DIP2B: variants seen among roughly 807,000 people sequenced by gnomAD.
The protein encoded by DIP2B is disco-interacting protein 2 homolog B.
Under a neutral mutation model 198.0 loss-of-function variants are expected in DIP2B, and 76 were observed. That is an observed-to-expected ratio of 0.38 (90% CI 0.32 to 0.46). The LOEUF (loss-of-function observed/expected upper bound fraction) is 0.46, where lower values mean the gene tolerates loss of function less well. Ranked by LOEUF, DIP2B falls within the 20% of genes least tolerant of loss-of-function variation. The probability of loss-of-function intolerance (pLI) is 0.99; values close to 1 mark genes in which losing one functional copy is unlikely to be tolerated. For missense variants in DIP2B, 1,559 were observed against 1,978.4 expected (o/e 0.79, Z 4.02); for synonymous variants, 701 against 739.1 (o/e 0.95, Z 0.84).
chr12:50,703,930 T>G (rs908200944), intron 19 of DIP2B, among the ~76,000 whole-genome samples: 4 of 150,306 alleles, frequency 2.7e-5, no homozygotes, highest in Admixed American at 2.0e-4. Flanking sequence ...TTATATGTTT[T>G]ATATATATAT....
intron 35 of DIP2B, among the ~76,000 whole-genome samples, chr12:50,737,720 G>C (rs938332038): frequency 3.3e-5 from 5 of 151,956 alleles, no homozygotes; most frequent in African/African-American, 1.2e-4. Flanking sequence ...CCAAGTAGCT[G>C]GGACTACAGG....
chr12:50,559,269 T>C (rs1382281074), intron 1 of DIP2B, among the ~76,000 whole-genome samples: 12 of 151,856 alleles, frequency 7.9e-5, no homozygotes, highest in Admixed American at 7.9e-4. Flanking sequence ...TGTAATTTAG[T>C]AGTTAATCTT....
chr12:50,537,632 T>C (rs907331151), intron 1 of DIP2B, among the ~76,000 whole-genome samples: 5 of 152,038 alleles, frequency 3.3e-5, no homozygotes, highest in African/African-American at 1.2e-4. Context: ...TGTTGAAGGA[T>C]TTGGGCATCA....
intron 1 of DIP2B, among the ~76,000 whole-genome samples, chr12:50,613,287 T>C (rs1363377779): frequency 1.3e-5 from 2 of 152,156 alleles, no homozygotes; most frequent in African/African-American, 4.8e-5. Context: ...ACTATATGGA[T>C]TAATGTATGT....
At chr12:50,665,776 A>AG (rs1491501285) in intron 4 of DIP2B, among the ~76,000 whole-genome samples, 84 of 136,518 alleles carry the variant, frequency 6.2e-4, no homozygotes, top group Admixed American at 9.3e-4. Context: ...ACCTCAACTG[A>AG]AAAAAAAAAA....
chr12:50,717,580 G>C (rs1939752326), intron 23 of DIP2B, among the ~76,000 whole-genome samples: 1 of 151,456 alleles, frequency 6.6e-6, no homozygotes, highest in African/African-American at 2.4e-5. Context: ...CGTTAGCCGG[G>C]ATGGTCTCGG....
At chr12:50,614,848 A>C (rs952387911) in intron 1 of DIP2B, among the ~76,000 whole-genome samples, 13 of 152,200 alleles carry the variant, frequency 8.5e-5, no homozygotes, top group African/African-American at 3.1e-4. Context: ...ATGCTGTGGC[A>C]GTGGCAGTAT....
intron 1 of DIP2B, among the ~76,000 whole-genome samples, chr12:50,579,814 G>C (rs1473302807): frequency 6.7e-6 from 1 of 149,766 alleles, no homozygotes; most frequent in East Asian, 1.9e-4. Context: ...AGTCATTTCT[G>C]ACTCAACTGT....
At chr12:50,547,468 G>A (rs538637387) in intron 1 of DIP2B, among the ~76,000 whole-genome samples, 68 of 152,194 alleles carry the variant, frequency 4.5e-4, no homozygotes, top group Non-Finnish European at 8.5e-4. Flanking sequence ...GATATTAATC[G>A]AAGTATTATT....
At chr12:50,721,038 G>A (rs1939826476) in intron 25 of DIP2B, among the ~76,000 whole-genome samples, 2 of 151,928 alleles carry the variant, frequency 1.3e-5, no homozygotes, top group Admixed American at 6.6e-5. Context: ...TGAACTCCTG[G>A]GCTCAAGCAG....
At chr12:50,742,512 A>G (rs1327064705) in intron 37 of DIP2B, among the ~76,000 whole-genome samples, 1 of 151,464 alleles carries the variant, frequency 6.6e-6, no homozygotes, top group African/African-American at 2.4e-5. Flanking sequence ...ATTTTAGTGA[A>G]TATGTCCTTC....
chr12:50,636,052 G>T (rs876078), intron 2 of DIP2B, among the ~76,000 whole-genome samples: 37,188 of 152,090 alleles, frequency 0.24, 5,333 homozygotes, highest in East Asian at 0.36. Flanking sequence ...TAGCAGGAGA[G>T]ATGACAGTTA....
intron 35 of DIP2B, 63 bp from the exon 36 acceptor site, chr12:50,739,346 T>C (rs1565887384): frequency 1.3e-6 from 2 of 1,538,590 alleles, no homozygotes; most frequent in Non-Finnish European, 1.8e-6. Flanking sequence ...AATAACCTGA[T>C]CCAAGAGAAT....
chr12:50,598,739 C>T (rs1274957177), intron 1 of DIP2B, among the ~76,000 whole-genome samples: 2 of 616 alleles, frequency 3.2e-3, no homozygotes, highest in African/African-American at 7.5e-3. Context: ...TCCCCTCCCC[C>T]CTCCCCCCTC....
At chr12:50,743,028 T>A (rs1467700078) in intron 37 of DIP2B, among the ~76,000 whole-genome samples, 3 of 152,210 alleles carry the variant, frequency 2.0e-5, no homozygotes, top group Non-Finnish European at 2.9e-5. Flanking sequence ...TACTTTGTCA[T>A]TTTAGACATT....
chr12:50,697,147 G>A lies in DIP2B; in HGVS notation c.2020G>A (p.Ala674Thr). ...GGCCATCTGTCCGTGCGCCACGTCT[G>A]CTGAAGCCATGACTGTAGCAATCCG... ...PEAICPCATSAEAMTVAIRRP... is the reference protein window; with the variant it reads ...PEAICPCATSTEAMTVAIRRP... Residue 674 changes from alanine to threonine, a missense_variant, in exon 17 of 38, where the codon GCT becomes ACT. Physicochemically the swap from Ala to Thr is moderately conservative, Grantham distance 58 (BLOSUM62 0). Transcript: ENST00000301180. 3 of 1,614,060 alleles carry A rather than the reference G, an allele frequency of 1.9e-6. No homozygotes were observed. The highest frequency in any genetic ancestry group is 1.1e-5 in the South Asian group (1 of 91,074).
chr12:50,559,424 T>C (rs1412102816), intron 1 of DIP2B, among the ~76,000 whole-genome samples: 1 of 151,564 alleles, frequency 6.6e-6, no homozygotes, highest in Non-Finnish European at 1.5e-5. Flanking sequence ...ACAGTTTGAC[T>C]AACCAACAAT....
At chr12:50,585,380 C>T in intron 1 of DIP2B, among the ~76,000 whole-genome samples, 1 of 152,184 alleles carries the variant, frequency 6.6e-6, no homozygotes, top group East Asian at 1.9e-4. Flanking sequence ...GCCTTGTAGA[C>T]AGATGAAGCG....
intron 1 of DIP2B, among the ~76,000 whole-genome samples, chr12:50,620,750 C>G (rs1384856875): frequency 6.6e-6 from 1 of 152,192 alleles, no homozygotes; most frequent in Non-Finnish European, 1.5e-5. Context: ...AAAGTCTGTT[C>G]TGAGTAAGAA....
Sources: allele counts gnomAD v4.1 joint callset (sites outside exome capture counted in the v4.1 genomes callset), GRCh38; gene constraint gnomAD v4.1.1; transcripts MANE v1.5; gene names NCBI Gene and HGNC (gene_info 2026-07-23, HGNC 2026-07-21).